The following SLC11A2 variants were observed in gnomAD, a reference collection of about 807,000 sequenced individuals.
SLC11A2 encodes the protein solute carrier family 11 member 2, also known as natural resistance-associated macrophage protein 2.
Under a neutral mutation model 68.0 loss-of-function variants are expected in SLC11A2, and 38 were observed. The ratio of observed to expected loss-of-function variants is 0.56; its 90% CI spans 0.43 to 0.73. The LOEUF (loss-of-function observed/expected upper bound fraction) is 0.73. Among genes scored for constraint, SLC11A2 ranks in the 30% least tolerant of loss-of-function variants. The pLI is 0.00. For synonymous variants in SLC11A2, 242 were observed against 250.6 expected, an observed-to-expected ratio of 0.97 and a Z score of 0.32; for missense variants, 517 against 690.5, an observed-to-expected ratio of 0.75 and a Z score of 2.82.
At chr12:51,013,326 T>C (rs1417701600) in intron 1 of SLC11A2, among the ~76,000 whole-genome samples, 1 of 150,528 alleles carries the variant, frequency 6.6e-6, no homozygotes, top group African/African-American at 2.5e-5. Flanking sequence ...GTTTCACTCT[T>C]GTCACCTAGG....
rs1377696474 is a variant in SLC11A2, at chr12:50,991,728, G to C, written c.1348-56C>G. On this transcript the variant is annotated intron_variant, in intron 13 of 15. Transcript: ENST00000262052. Reference sequence around the variant, plus strand: ...CTATGGGTCCTTGTATCACCCTAGAGAACAGCACAATTAATGAAAGGGAAA... The same window carrying C: ...CTATGGGTCCTTGTATCACCCTAGACAACAGCACAATTAATGAAAGGGAAA... 3 of 1,294,498 alleles carry C rather than the reference G, an allele frequency of 2.3e-6. No homozygotes were observed. The East Asian group carries it at 6.9e-5, about 30-fold the overall frequency. The allele number at this position is 1,294,498 out of a possible 1,614,324, so 80.2% of individuals were successfully genotyped here.
chr12:51,022,511 C>A (rs1944118257), intron 1 of SLC11A2, among the ~76,000 whole-genome samples: 1 of 150,274 alleles, frequency 6.7e-6, no homozygotes, highest in Non-Finnish European at 1.5e-5. Flanking sequence ...TATGTTTTGT[C>A]CTCACACTTA....
chr12:50,973,481 C>T, the SLC11A2 span, among the ~76,000 whole-genome samples: 7 of 152,224 alleles, frequency 4.6e-5, no homozygotes, highest in East Asian at 1.4e-3. Flanking sequence ...CACACCAAAA[C>T]CCCATCTGTA....
At chr12:50,963,388 A>G in the SLC11A2 span, among the ~76,000 whole-genome samples, 100 of 147,082 alleles carry the variant, frequency 6.8e-4, no homozygotes, top group African/African-American at 2.2e-3. Context: ...AAAAAAAAAA[A>G]AAAAAGAAAA....
rs1435683169 is a variant in SLC11A2 at position 50,995,744 on chromosome 12, GCTTCTCGAA to G, written c.866_874del (p.Val289_Glu291del). On this transcript the variant is annotated inframe_deletion, in exon 10 of 16. Coordinates refer to ENST00000262052, the MANE Select transcript of SLC11A2 (RefSeq NM_000617.3). Reference sequence around the variant, plus strand: ...GGATTCAATGAAAAAGTACTTATTGGCTTCTCGAACTTCCTGCTTATTGTTCCGGTTTAC... The same window carrying G: ...GGATTCAATGAAAAAGTACTTATTGGCTTCCTGCTTATTGTTCCGGTTTAC... 6.2e-7 allele frequency: 1 copy of G among 1,613,878 alleles called. No individual in the cohort carries two copies. The highest frequency in any genetic ancestry group is 8.5e-7 in the Non-Finnish European group (1 of 1,179,862).
At chr12:50,980,203 G>A (rs1190326297), downstream of SLC11A2, 7 of 314,538 alleles carry the variant, frequency 2.2e-5, no homozygotes, top group Non-Finnish European at 3.8e-5. Context: ...TCCAGCCTGG[G>A]CAACAGAGCA....
At chr12:50,966,874 G>C in the SLC11A2 span, among the ~76,000 whole-genome samples, 263 of 152,238 alleles carry the variant, frequency 1.7e-3, 5 homozygotes, top group South Asian at 6.8e-3. Flanking sequence ...CACAGGATTC[G>C]GGAGGCCAAG....
Position 51,008,468 on chromosome 12 carries a change from A to C in SLC11A2, c.183+8T>G. ...AATAGTGTTCTCCTCCAAGGACCTG[A>C]TACTAACCTCCTCCTCAGGAATGGA... On this transcript the variant is annotated splice_region_variant and intron_variant, in intron 3 of 15. Coordinates refer to ENST00000262052, the MANE Select transcript of SLC11A2 (RefSeq NM_000617.3). The C allele has an allele frequency of 6.2e-7, 1 of 1,612,182 alleles. No homozygotes were observed. The highest frequency in any genetic ancestry group is 8.5e-7 in the Non-Finnish European group (1 of 1,178,416).
chr12:50,974,356 T>C, the SLC11A2 span, among the ~76,000 whole-genome samples: 33 of 152,310 alleles, frequency 2.2e-4, no homozygotes, highest in South Asian at 5.8e-3. Flanking sequence ...AAGAAAAGAA[T>C]GTTCAACCCA....
In SLC11A2 at chr12:50,986,752, T is replaced by C. The variant is rs762513303; in HGVS notation, c.*1573A>G. The C allele has an allele frequency of 1.7e-4, 213 of 1,287,188 alleles. No homozygotes were observed. Among genetic ancestry groups the C allele is most frequent in the Middle Eastern group, 6.5e-4 (2 of 3,064 alleles). 79.7% of individuals were successfully genotyped at this position (1,287,188 alleles called of 1,614,324 possible). On this transcript the variant is annotated 3_prime_UTR_variant, in exon 16 of 16. Coordinates refer to ENST00000262052, the MANE Select transcript of SLC11A2 (RefSeq NM_000617.3). ...AATTGTCATTCATAACTCTGTGCTA[T>C]ATTACTTGAGGGGCTAAGAAAAATG...
In SLC11A2 at chr12:50,990,281, C is replaced by G. The variant is rs144844149; in HGVS notation, c.1575+514G>C. 5.6e-3 allele frequency among the ~76,000 whole-genome samples: 859 copies of G among 152,262 alleles called. 4 individuals carry two copies. The highest frequency in any genetic ancestry group is 0.035 in the East Asian group (184 of 5,184). ...GGGGCTGTGTGCCACATGTGTCCCA[C>G]CCCGAATCTCTAAATCACACTGCAT... On this transcript the variant is annotated intron_variant, in intron 15 of 15. Transcript: ENST00000262052.
chr12:50,992,938 G>C lies in SLC11A2; in HGVS notation c.1078-9C>G, dbSNP rs746410754. 6.2e-7 allele frequency: 1 copy of C among 1,613,724 alleles called. No homozygotes were observed. ...CATCCCAGCACAACACCCTGTGAGAGGCCAAGAGGAAGGATATGATTGTGG... is the reference window on the plus strand; with the variant it reads ...CATCCCAGCACAACACCCTGTGAGACGCCAAGAGGAAGGATATGATTGTGG... On this transcript the variant is annotated splice_polypyrimidine_tract_variant and intron_variant, in intron 11 of 15. Transcript: ENST00000262052.
chr12:51,008,043 A>C (rs1942876498), intron 3 of SLC11A2: 1 of 160,592 alleles, frequency 6.2e-6, no homozygotes, highest in Admixed American at 6.0e-5. Context: ...CTAAAAATAA[A>C]AATAAAAATA....
intron 1 of SLC11A2, among the ~76,000 whole-genome samples, chr12:51,011,230 G>A (rs1031609428): frequency 6.6e-6 from 1 of 151,716 alleles, no homozygotes; most frequent in African/African-American, 2.4e-5. Context: ...CTGGGTTCAA[G>A]TGATTCTCCT....
At chr12:50,995,868 TGA>T in intron 9 of SLC11A2, 81 bp from the exon 10 acceptor site, 2 of 1,418,044 alleles carry the variant, frequency 1.4e-6, no homozygotes, top group Non-Finnish European at 2.0e-6. Context: ...TGGAGTCAGC[TGA>T]GAGATTTAGG....
At chr12:50,966,941 C>A in the SLC11A2 span, among the ~76,000 whole-genome samples, 1 of 151,922 alleles carries the variant, frequency 6.6e-6, no homozygotes, top group Admixed American at 6.6e-5. Flanking sequence ...CATGGTGAAA[C>A]CCCCATCTCT....
At chr12:50,988,965 C>T (rs1592312522) in intron 15 of SLC11A2, among the ~76,000 whole-genome samples, 1 of 152,074 alleles carries the variant, frequency 6.6e-6, no homozygotes, top group Non-Finnish European at 1.5e-5. Flanking sequence ...CCTCCTGGCT[C>T]GGCCTCCCAA....
At chr12:51,014,199 CTT>C in intron 1 of SLC11A2, 1 of 152,472 alleles carries the variant, frequency 6.6e-6, no homozygotes, top group African/African-American at 2.4e-5. Context: ...CTAATCTTCT[CTT>C]GATTGTTCCA....
downstream of SLC11A2, chr12:50,981,846 T>C (rs538834112): frequency 3.2e-4 from 385 of 1,187,862 alleles, 1 homozygote; most frequent in African/African-American, 4.3e-3. Context: ...GATTTTCACG[T>C]ATTTATTGAA....
Sources: allele counts gnomAD v4.1 joint callset (sites outside exome capture counted in the v4.1 genomes callset), GRCh38; gene constraint gnomAD v4.1.1; transcripts MANE v1.5; gene names NCBI Gene and HGNC (gene_info 2026-07-23, HGNC 2026-07-21).